The following AGTPBP1 variants were observed in gnomAD, a reference collection of about 807,000 sequenced individuals.
The protein encoded by AGTPBP1 is ATP/GTP binding carboxypeptidase 1, also known as cytosolic carboxypeptidase 1.
Under a neutral mutation model 143.9 loss-of-function variants are expected in AGTPBP1, and 70 were observed. That is an observed-to-expected ratio of 0.49 (90% CI 0.40 to 0.59). The LOEUF (loss-of-function observed/expected upper bound fraction) is 0.59. Ranked by LOEUF, AGTPBP1 falls within the 20% of genes least tolerant of loss-of-function variation. The pLI is 0.00. For missense variants in AGTPBP1, 1,229 were observed against 1,464.5 expected, an observed-to-expected ratio of 0.84 and a Z score of 2.62; for synonymous variants, 463 against 500.2, an observed-to-expected ratio of 0.93 and a Z score of 0.99.
At chr9:85,728,076 C>CACACACACACACAT (rs1187459225) in intron 1 of AGTPBP1, among the ~76,000 whole-genome samples, 1 of 144,110 alleles carries the variant, frequency 6.9e-6, no homozygotes, top group African/African-American at 2.6e-5. Flanking sequence ...CACACACACA[C>CACACACACACACAT]ATATTTACTT....
chr9:85,568,721 A>C (rs1183416024), intron 25 of AGTPBP1, among the ~76,000 whole-genome samples: 1 of 152,192 alleles, frequency 6.6e-6, no homozygotes, highest in African/African-American at 2.4e-5. Context: ...GGTGATGGAG[A>C]GAAATGAAAG....
chr9:85,637,548 C>T (rs1306314056), intron 13 of AGTPBP1, among the ~76,000 whole-genome samples: 1 of 152,156 alleles, frequency 6.6e-6, no homozygotes, highest in Non-Finnish European at 1.5e-5. Flanking sequence ...CAGCAAAAGC[C>T]TGACCCTAAA....
intron 6 of AGTPBP1, 50 bp from the exon 7 acceptor site, chr9:85,672,731 A>ATT: frequency 3.7e-6 from 5 of 1,361,382 alleles, no homozygotes; most frequent in East Asian, 2.5e-5. Flanking sequence ...TTTTCTTTTT[A>ATT]ATTTTTTTTT....
rs184043655 is a variant in AGTPBP1, at chr9:85,674,603, G to T, written c.437-1922C>A. Among the ~76,000 whole-genome samples, 116 of 151,858 alleles carry T rather than the reference G, an allele frequency of 7.6e-4. 1 individual carries two copies. The highest frequency in any genetic ancestry group is 7.0e-3 in the Admixed American group (107 of 15,248). Reference sequence around the variant, plus strand: ...GGGAGTCTTTAAATCTTAAATACAAGAGCTAAAGAAAAATAAGAGACAGCT... The same window carrying T: ...GGGAGTCTTTAAATCTTAAATACAATAGCTAAAGAAAAATAAGAGACAGCT... On this transcript the variant is annotated intron_variant, in intron 6 of 25. Transcript: ENST00000357081.
At chr9:85,781,850 G>A in the AGTPBP1 span, among the ~76,000 whole-genome samples, 6 of 152,136 alleles carry the variant, frequency 3.9e-5, no homozygotes. Flanking sequence ...ATGTAGATAT[G>A]TAGATTTAGT....
At chr9:85,671,088 C>T (rs1301617865) in intron 7 of AGTPBP1, among the ~76,000 whole-genome samples, 4 of 151,678 alleles carry the variant, frequency 2.6e-5, no homozygotes, top group Non-Finnish European at 4.4e-5. Context: ...ACTGCAGGCA[C>T]ACATCACCAC....
At chr9:85,551,856 G>C (rs1418104130) in intron 25 of AGTPBP1, among the ~76,000 whole-genome samples, 1 of 151,968 alleles carries the variant, frequency 6.6e-6, no homozygotes. Context: ...CTTTAAATAA[G>C]CAGATAGGAG....
chr9:85,672,406 G>T, intron 7 of AGTPBP1, 144 bp downstream of exon 7: 2 of 922,816 alleles, frequency 2.2e-6, no homozygotes, highest in Non-Finnish European at 3.2e-6. Context: ...TGTTGTGGTT[G>T]GAGTCAAGAG....
intron 1 of AGTPBP1, among the ~76,000 whole-genome samples, chr9:85,729,295 A>G (rs952632041): frequency 6.6e-6 from 1 of 152,240 alleles, no homozygotes; most frequent in Non-Finnish European, 1.5e-5. Context: ...TGGTAGAAAC[A>G]TACAATGGAA....
At chr9:85,760,847 A>G in the AGTPBP1 span, among the ~76,000 whole-genome samples, 1 of 152,240 alleles carries the variant, frequency 6.6e-6, no homozygotes, top group East Asian at 1.9e-4. Flanking sequence ...TGCAGATGAC[A>G]TGATTGTATA....
chr9:85,641,064 A>G (rs1292890026), intron 13 of AGTPBP1, among the ~76,000 whole-genome samples: 1 of 152,206 alleles, frequency 6.6e-6, no homozygotes, highest in Admixed American at 6.5e-5. Context: ...CACAGTATCT[A>G]TGCAACTGAC....
chr9:85,678,245 G>T, intron 5 of AGTPBP1, 90 bp downstream of exon 5: 1 of 796,826 alleles, frequency 1.3e-6, no homozygotes, highest in South Asian at 1.9e-5. Flanking sequence ...GCCTCTATAA[G>T]AGTATCGGAA....
chr9:85,735,797 G>A (rs1823724569), intron 1 of AGTPBP1, among the ~76,000 whole-genome samples: 2 of 152,154 alleles, frequency 1.3e-5, no homozygotes, highest in African/African-American at 4.8e-5. Context: ...TCTATTACAT[G>A]TAGGCAGTGT....
At chr9:85,784,712 A>G in the AGTPBP1 span, among the ~76,000 whole-genome samples, 2 of 152,132 alleles carry the variant, frequency 1.3e-5, no homozygotes, top group African/African-American at 4.8e-5. Flanking sequence ...TGATTTTGAG[A>G]GAATTTTAAA....
rs552758016 is a variant in AGTPBP1 at position 85,710,760 on chromosome 9, G to C, written c.32+1742C>G. On this transcript the variant is annotated intron_variant, in intron 2 of 25. Transcript: ENST00000357081. The stretch of plus-strand genomic sequence containing the variant: ...AGAAAAAAATTAAAAATGACCTTAG[G>C]AGCCAGAGGCTTTCAAACTAAAAGT... Among the ~76,000 whole-genome samples, 283 of 151,952 alleles carry C rather than the reference G, an allele frequency of 1.9e-3. 1 individual carries two copies. The highest frequency in any genetic ancestry group is 2.9e-3 in the Non-Finnish European group (199 of 67,946).
chr9:85,666,768 T>C (rs961066316), intron 8 of AGTPBP1, among the ~76,000 whole-genome samples: 6 of 152,148 alleles, frequency 3.9e-5, no homozygotes, highest in Non-Finnish European at 5.9e-5. Flanking sequence ...TAGGAGATCA[T>C]GGCCATTATA....
chr9:85,601,531 C>A (rs1316313969), intron 17 of AGTPBP1, among the ~76,000 whole-genome samples: 1 of 152,180 alleles, frequency 6.6e-6, no homozygotes, highest in African/African-American at 2.4e-5. Context: ...CCACACATAC[C>A]ATCTGTGGGT....
chr9:85,564,369 C>T (rs867190108), intron 25 of AGTPBP1, among the ~76,000 whole-genome samples: 2 of 152,174 alleles, frequency 1.3e-5, no homozygotes, highest in Admixed American at 6.5e-5. Context: ...ATTTTAGAAG[C>T]ACCTAACTTG....
At chr9:85,722,698 T>A (rs1210343417) in intron 1 of AGTPBP1, among the ~76,000 whole-genome samples, 2 of 152,154 alleles carry the variant, frequency 1.3e-5, no homozygotes, top group African/African-American at 4.8e-5. Flanking sequence ...TCATTCTCCA[T>A]CCAGTTTTGT....
Sources: allele counts gnomAD v4.1 joint callset (sites outside exome capture counted in the v4.1 genomes callset), GRCh38; gene constraint gnomAD v4.1.1; transcripts MANE v1.5; gene names NCBI Gene and HGNC (gene_info 2026-07-23, HGNC 2026-07-21).